GRID2: variants seen among roughly 807,000 people sequenced by gnomAD.
GRID2 encodes the protein glutamate receptor ionotropic, delta-2.
GRID2 carries 33 observed loss-of-function variants against 114.8 expected under a neutral mutation model. The ratio of observed to expected loss-of-function variants is 0.29; its 90% CI spans 0.22 to 0.38. The LOEUF (loss-of-function observed/expected upper bound fraction) is 0.38, where lower values mean the gene tolerates loss of function less well. Among genes scored for constraint, GRID2 ranks in the 10% least tolerant of loss-of-function variants. The pLI is 1.00. For synonymous variants in GRID2, 505 were observed against 449.9 expected (o/e 1.12, Z -1.55); for missense variants, 1,184 against 1,257.7 (o/e 0.94, Z 0.89).
chr4:93,299,311 G>A (rs772244783), intron 8 of GRID2, among the ~76,000 whole-genome samples: 96 of 152,096 alleles, frequency 6.3e-4, no homozygotes, highest in Admixed American at 9.8e-4. Context: ...AAGGCCTGAG[G>A]AAGTTACAGT....
intron 2 of GRID2, among the ~76,000 whole-genome samples, chr4:92,691,124 T>C (rs774785749): frequency 1.3e-5 from 2 of 152,154 alleles, no homozygotes; most frequent in Non-Finnish European, 2.9e-5. Flanking sequence ...CAAAGTGAAC[T>C]ATCAACCATA....
intron 2 of GRID2, among the ~76,000 whole-genome samples, chr4:93,037,016 C>A (rs1203823886): frequency 6.6e-6 from 1 of 152,126 alleles, no homozygotes; most frequent in Non-Finnish European, 1.5e-5. Context: ...TATAGCTCTT[C>A]TGGTAATTAC....
chr4:93,115,402 G>GACACACACACACACACACACACACACAC lies in GRID2; in HGVS notation c.735+4470_735+4471insCACACACACACACACACACACACACACA, dbSNP rs374431110. ...TTATGTGGCATTCCAAGTATATACAGACACACACACACACACACACATTTT... is the reference window on the plus strand; with the variant it reads ...TTATGTGGCATTCCAAGTATATACAGACACACACACACACACACACACACACACACACACACACACACACACACATTTT... On this transcript the variant is annotated intron_variant, in intron 4 of 15. Coordinates refer to ENST00000282020, the MANE Select transcript of GRID2 (RefSeq NM_001510.4). Among the ~76,000 whole-genome samples, 752 of 144,534 alleles carry GACACACACACACACACACACACACACAC rather than the reference G, an allele frequency of 5.2e-3. 5 individuals are homozygous for GACACACACACACACACACACACACACAC. The highest frequency in any genetic ancestry group is 0.014 in the African/African-American group (565 of 39,210). 94.8% of individuals were successfully genotyped at this position (144,534 alleles called of 152,430 possible). A position where few individuals can be genotyped will look rare whatever the true frequency, so the allele number is the denominator to read the frequency against.
At chr4:92,943,969 C>G (rs996077069) in intron 2 of GRID2, among the ~76,000 whole-genome samples, 1 of 152,146 alleles carries the variant, frequency 6.6e-6, no homozygotes, top group African/African-American at 2.4e-5. Flanking sequence ...GGGTACCAGG[C>G]CATGTGAGGT....
intron 8 of GRID2, among the ~76,000 whole-genome samples, chr4:93,260,360 G>A (rs920548377): frequency 9.4e-5 from 14 of 149,362 alleles, no homozygotes; most frequent in South Asian, 2.1e-4. Flanking sequence ...GGCACATTGC[G>A]TACATTTTTA....
chr4:92,753,434 G>A (rs905150185), intron 2 of GRID2, among the ~76,000 whole-genome samples: 1 of 152,164 alleles, frequency 6.6e-6, no homozygotes, highest in Non-Finnish European at 1.5e-5. Flanking sequence ...CAGGTTGTCT[G>A]AAACCAGTTA....
At chr4:92,772,908 A>T (rs555096865) in intron 2 of GRID2, among the ~76,000 whole-genome samples, 28 of 152,308 alleles carry the variant, frequency 1.8e-4, no homozygotes, top group African/African-American at 6.0e-4. Flanking sequence ...GAACCTCAGC[A>T]TCTACTTCAG....
intron 8 of GRID2, among the ~76,000 whole-genome samples, chr4:93,367,168 A>G (rs889929053): frequency 6.7e-6 from 1 of 150,374 alleles, no homozygotes; most frequent in African/African-American, 2.4e-5. Flanking sequence ...TCTAACTTGA[A>G]TTATGGAGCC....
chr4:92,546,808 T>C (rs1194295515), intron 1 of GRID2, among the ~76,000 whole-genome samples: 1 of 152,178 alleles, frequency 6.6e-6, no homozygotes, highest in Non-Finnish European at 1.5e-5. Flanking sequence ...CAGTAGTAAT[T>C]ATTAATATGT....
At position 92,814,800 on chromosome 4, in the gene GRID2, C is replaced by G. The variant is rs113395266; in HGVS notation, c.244+224514C>G. On this transcript the variant is annotated intron_variant, in intron 2 of 15. Transcript: ENST00000282020. ...GAACTCACTGAAAAGCCATCAGACA[C>G]AGTGTCTGGGTGCTTCTAGCCACCA... Among the ~76,000 whole-genome samples, 994 of 152,214 alleles carry G rather than the reference C, an allele frequency of 6.5e-3. 17 individuals are homozygous for G. The highest frequency in any genetic ancestry group is 0.022 in the African/African-American group (932 of 41,550).
At chr4:93,412,384 A>G (rs559173251) in intron 9 of GRID2, among the ~76,000 whole-genome samples, 1 of 152,142 alleles carries the variant, frequency 6.6e-6, no homozygotes, top group South Asian at 2.1e-4. Context: ...AGATAACAAG[A>G]CCCCATATCT....
chr4:92,582,290 T>G (rs187112516), intron 1 of GRID2, among the ~76,000 whole-genome samples: 1 of 152,086 alleles, frequency 6.6e-6, no homozygotes, highest in East Asian at 1.9e-4. Context: ...CCTTAGAAAT[T>G]GAAAGGCTAG....
intron 2 of GRID2, among the ~76,000 whole-genome samples, chr4:92,916,345 A>T (rs112702631): frequency 0.017 from 2,650 of 152,112 alleles, 30 homozygotes; most frequent in East Asian, 0.054. Context: ...TGTCTCTGTA[A>T]TTTTAGAGAA....
intron 2 of GRID2, among the ~76,000 whole-genome samples, chr4:92,623,372 A>G (rs1560495408): frequency 6.6e-6 from 1 of 151,606 alleles, no homozygotes; most frequent in Non-Finnish European, 1.5e-5. Context: ...TACAAAAAAA[A>G]AAAGATTAAT....
chr4:92,629,441 CA>C, intron 2 of GRID2, among the ~76,000 whole-genome samples: 1 of 152,196 alleles, frequency 6.6e-6, no homozygotes, highest in Non-Finnish European at 1.5e-5. Flanking sequence ...TGAACTACTT[CA>C]AAATGTTTCA....
intron 2 of GRID2, among the ~76,000 whole-genome samples, chr4:93,084,720 G>T (rs563153523): frequency 6.6e-6 from 1 of 152,080 alleles, no homozygotes; most frequent in African/African-American, 2.4e-5. Flanking sequence ...ATAATCCTGC[G>T]AGATTCATGC....
At chr4:93,410,031 T>G (rs2149351018) in intron 9 of GRID2, among the ~76,000 whole-genome samples, 1 of 152,270 alleles carries the variant, frequency 6.6e-6, no homozygotes, top group East Asian at 1.9e-4. Flanking sequence ...TTTAGAAAAT[T>G]TCACAATATT....
chr4:92,451,190 G>A (rs1176018545), intron 1 of GRID2, among the ~76,000 whole-genome samples: 1 of 152,072 alleles, frequency 6.6e-6, no homozygotes, highest in Non-Finnish European at 1.5e-5. Flanking sequence ...GACAAAGAAA[G>A]AATGTACATT....
intron 14 of GRID2, among the ~76,000 whole-genome samples, chr4:93,685,238 C>T (rs1294727495): frequency 1.3e-5 from 2 of 152,032 alleles, no homozygotes; most frequent in East Asian, 1.9e-4. Context: ...TGCTTTGTAT[C>T]CCTGTTCTGA....
Sources: gnomAD v4.1 joint callset for allele counts (sites outside exome capture counted in the v4.1 genomes callset) on GRCh38, gnomAD v4.1.1 for gene constraint, MANE v1.5 for transcripts, NCBI Gene and HGNC (gene_info 2026-07-23, HGNC 2026-07-21) for gene names.